The following PDE4D variants were observed in gnomAD, a reference collection of about 807,000 sequenced individuals.
PDE4D encodes the protein 3',5'-cyclic-AMP phosphodiesterase 4D.
In PDE4D, 24 loss-of-function variants were observed where a neutral mutation model predicts 87.4. That is an observed-to-expected ratio of 0.27 (90% confidence interval 0.20 to 0.39). The LOEUF (loss-of-function observed/expected upper bound fraction) is 0.39. Ranked by LOEUF, PDE4D falls within the 10% of genes least tolerant of loss-of-function variation. The probability of loss-of-function intolerance (pLI) is 1.00; values close to 1 mark genes in which losing one functional copy is unlikely to be tolerated. For synonymous variants in PDE4D, 384 were observed against 383.2 expected, an observed-to-expected ratio of 1.00 and a Z score of -0.02; for missense variants, 714 against 1,041.0, an observed-to-expected ratio of 0.69 and a Z score of 4.32.
At chr5:60,288,158 T>C (rs1752583051) in intron 1 of PDE4D, among the ~76,000 whole-genome samples, 1 of 152,248 alleles carries the variant, frequency 6.6e-6, no homozygotes, top group Admixed American at 6.5e-5. Context: ...CGAGACTAAC[T>C]ACTCCAAGCA....
intron 2 of PDE4D, among the ~76,000 whole-genome samples, chr5:60,075,598 T>A (rs914819319): frequency 3.3e-5 from 5 of 152,208 alleles, no homozygotes; most frequent in South Asian, 2.1e-4. Flanking sequence ...TTCTGAAATA[T>A]GTTTTCCAAG....
chr5:59,890,635 A>G (rs905326159), intron 1 of PDE4D, among the ~76,000 whole-genome samples: 5 of 152,216 alleles, frequency 3.3e-5, no homozygotes, highest in African/African-American at 1.2e-4. Context: ...TGCTGTCAAC[A>G]GGCCCAGGTT....
intron 1 of PDE4D, among the ~76,000 whole-genome samples, chr5:60,359,574 G>A (rs2149950494): frequency 6.6e-6 from 1 of 152,234 alleles, no homozygotes; most frequent in South Asian, 2.1e-4. Context: ...TCCTATTTAT[G>A]TCTTATTCTT....
At chr5:59,099,920 A>G (rs1225786342) in intron 5 of PDE4D, among the ~76,000 whole-genome samples, 1 of 152,180 alleles carries the variant, frequency 6.6e-6, no homozygotes, top group South Asian at 2.1e-4. Context: ...CAGCACTTTG[A>G]GATACATTAT....
At chr5:60,473,713 A>T (rs1748038186) in intron 1 of PDE4D, among the ~76,000 whole-genome samples, 2 of 151,946 alleles carry the variant, frequency 1.3e-5, no homozygotes, top group African/African-American at 4.8e-5. Context: ...CCCCATGCCA[A>T]CCCAAAAAGT....
intron 5 of PDE4D, among the ~76,000 whole-genome samples, chr5:59,070,637 CA>C (rs1227034686): frequency 6.6e-6 from 1 of 152,174 alleles, no homozygotes; most frequent in Non-Finnish European, 1.5e-5. Context: ...AAACTATAAG[CA>C]GCTAAACTAT....
intron 3 of PDE4D, 67 bp downstream of exon 3, chr5:59,193,433 G>C (rs534652651): frequency 1.5e-6 from 2 of 1,348,986 alleles, no homozygotes; most frequent in Admixed American, 3.5e-5. Context: ...TTAATAACCC[G>C]AACTAATTCC....
chr5:59,730,784 C>T (rs1757263439), intron 1 of PDE4D, among the ~76,000 whole-genome samples: 3 of 152,038 alleles, frequency 2.0e-5, no homozygotes, highest in Admixed American at 2.0e-4. Context: ...TGTGACTAAC[C>T]CCAGACTATT....
chr5:59,024,356 C>T (rs28406753), intron 6 of PDE4D, among the ~76,000 whole-genome samples: 15,071 of 151,874 alleles, frequency 0.099, 1,010 homozygotes, highest in Non-Finnish European at 0.13. Flanking sequence ...TGCACCATCA[C>T]ACCTGGCTAA....
intron 1 of PDE4D, among the ~76,000 whole-genome samples, chr5:59,521,917 G>A (rs1454770008): frequency 6.6e-6 from 1 of 152,108 alleles, no homozygotes; most frequent in Admixed American, 6.5e-5. Flanking sequence ...GTTTACTATT[G>A]ATGAACATGA....
intron 1 of PDE4D, among the ~76,000 whole-genome samples, chr5:59,869,028 T>C (rs1282500888): frequency 6.6e-6 from 1 of 152,220 alleles, no homozygotes; most frequent in Non-Finnish European, 1.5e-5. Flanking sequence ...TTTCAGCACA[T>C]TTTTATTGAA....
At chr5:60,266,866 C>T (rs939348840) in intron 1 of PDE4D, among the ~76,000 whole-genome samples, 3 of 152,212 alleles carry the variant, frequency 2.0e-5, no homozygotes, top group Non-Finnish European at 4.4e-5. Flanking sequence ...ACTATGTTCT[C>T]CTGTGCTATG....
intron 3 of PDE4D, among the ~76,000 whole-genome samples, chr5:59,185,508 C>T (rs1742696365): frequency 6.6e-6 from 1 of 152,164 alleles, no homozygotes; most frequent in African/African-American, 2.4e-5. Flanking sequence ...GCAGTTTCCA[C>T]AGTATTTCTG....
At chr5:60,067,365 G>A (rs1044779915) in intron 2 of PDE4D, among the ~76,000 whole-genome samples, 44 of 152,004 alleles carry the variant, frequency 2.9e-4, no homozygotes, top group African/African-American at 1.0e-3. Flanking sequence ...CTATGTTCTT[G>A]AATATCAGGA....
At chr5:59,461,519 G>T (rs192097141) in intron 1 of PDE4D, among the ~76,000 whole-genome samples, 2 of 152,076 alleles carry the variant, frequency 1.3e-5, no homozygotes, top group African/African-American at 4.8e-5. Context: ...AGACCATCTG[G>T]CTACCTAGGT....
chr5:60,168,868 T>C (rs1409242494), intron 2 of PDE4D, among the ~76,000 whole-genome samples: 1 of 152,190 alleles, frequency 6.6e-6, no homozygotes, highest in Non-Finnish European at 1.5e-5. Context: ...TATGTCTAGG[T>C]ATGTGTTAGT....
intron 1 of PDE4D, among the ~76,000 whole-genome samples, chr5:59,519,283 T>TA (rs1157339608): frequency 5.3e-5 from 8 of 152,042 alleles, no homozygotes; most frequent in African/African-American, 1.9e-4. Context: ...AAGCAGTCAA[T>TA]AAACAGATAA....
intron 1 of PDE4D, among the ~76,000 whole-genome samples, chr5:59,849,341 A>T (rs141044288): frequency 1.2e-3 from 178 of 152,182 alleles, no homozygotes; most frequent in African/African-American, 4.1e-3. Flanking sequence ...ACAATGACTG[A>T]TGATAAAAAT....
chr5:58,998,433 T>C (rs752388250), intron 6 of PDE4D, among the ~76,000 whole-genome samples: 1 of 152,158 alleles, frequency 6.6e-6, no homozygotes, highest in Non-Finnish European at 1.5e-5. Flanking sequence ...TCTGCATTTC[T>C]GAAGATTTTT....
Sources: allele counts gnomAD v4.1 joint callset (sites outside exome capture counted in the v4.1 genomes callset), GRCh38; gene constraint gnomAD v4.1.1; transcripts MANE v1.5; gene names NCBI Gene and HGNC (gene_info 2026-07-23, HGNC 2026-07-21).